The following TTC21A variants were observed in gnomAD, a reference collection of about 807,000 sequenced individuals.
TTC21A encodes the protein tetratricopeptide repeat domain 21A.
A neutral mutation model predicts 156.4 loss-of-function variants in TTC21A; 128 were observed. The observed-to-expected ratio is 0.82, with a 90% CI of 0.71 to 0.95. The LOEUF is 0.95. TTC21A is among the 40% of genes least tolerant of loss of function. The probability of loss-of-function intolerance (pLI) is 0.00; values close to 1 mark genes in which losing one functional copy is unlikely to be tolerated. For synonymous variants in TTC21A, 587 were observed against 617.1 expected, an observed-to-expected ratio of 0.95 and a Z score of 0.72; for missense variants, 1,435 against 1,602.3, an observed-to-expected ratio of 0.90 and a Z score of 1.78.
intron 9 of TTC21A, among the ~76,000 whole-genome samples, 199 bp from the exon 10 acceptor site, chr3:39,124,864 G>A (rs784509): frequency 0.54 from 82,458 of 151,804 alleles, 25,438 homozygotes; most frequent in East Asian, 0.72. Context: ...CATGAGCTAG[G>A]GATGTTTTTC....
At position 39,136,347 on chromosome 3, in the gene TTC21A, CTTATT is replaced by C. The variant is rs1559717640; in HGVS notation, c.2945-6_2945-2del. 1 of 1,609,314 alleles carries C rather than the reference CTTATT, an allele frequency of 6.2e-7. No homozygotes were observed. Among genetic ancestry groups the C allele is most frequent in the Non-Finnish European group, 8.5e-7 (1 of 1,177,074 alleles). ...CATTTCAGCCTGGAGATTTCTGTCT[CTTATT>C]TTAGACAATTTTTTGGTATTGCATA... is the stretch of plus-strand genomic sequence containing the variant. On this transcript the variant is annotated splice_region_variant and splice_polypyrimidine_tract_variant and intron_variant, in intron 22 of 28. Coordinates refer to ENST00000683103, the MANE Select transcript of TTC21A (RefSeq NM_001366900.1).
At chr3:39,109,321 A>G (rs1210726738) in intron 2 of TTC21A, 107 bp downstream of exon 2, 3 of 1,242,352 alleles carry the variant, frequency 2.4e-6, no homozygotes, top group Non-Finnish European at 3.4e-6. Context: ...TCCCATAAAA[A>G]CAGTTTCACA....
At chr3:39,109,443 CT>C in intron 2 of TTC21A, among the ~76,000 whole-genome samples, 1 of 152,294 alleles carries the variant, frequency 6.6e-6, no homozygotes, top group South Asian at 2.1e-4. Context: ...CGGGTTCCCT[CT>C]CTGTAAAATG....
intron 5 of TTC21A, among the ~76,000 whole-genome samples, chr3:39,113,870 CG>C (rs1294765806): frequency 1.3e-5 from 2 of 152,188 alleles, no homozygotes; most frequent in African/African-American, 2.4e-5. Flanking sequence ...CACATTTATG[CG>C]TAAGTCTTCA....
Position 39,136,914 on chromosome 3 carries a change from C to T in TTC21A, c.3111C>T (p.Pro1037=), listed in dbSNP as rs1463934802. 6.2e-7 allele frequency: 1 copy of T among 1,614,108 alleles called. No homozygotes were observed. The highest frequency in any genetic ancestry group is 1.7e-5 in the Admixed American group (1 of 60,018). Residue 1037 remains proline, a synonymous_variant, in exon 24 of 29, where the codon CCC becomes CCT. Coordinates refer to ENST00000683103, the MANE Select transcript of TTC21A (RefSeq NM_001366900.1). The part of the protein sequence containing the change: ...RGIYCWHIGQ[P]NEALKFLNKA... ...TCCACCACAGGCACATAGGGCAGCC[C>T]AACGAAGCCTTAAAGTTCCTGAACA...
At position 39,114,582 on chromosome 3, in the gene TTC21A, C is replaced by T. The variant is rs770201447; in HGVS notation, c.559-3C>T. ...GGAGGCTCTTCTGTCTGGCTCCCAACAGGCAATGTACTTCATGATGCAGCA... is the reference window on the plus strand; with the variant it reads ...GGAGGCTCTTCTGTCTGGCTCCCAATAGGCAATGTACTTCATGATGCAGCA... On this transcript the variant is annotated splice_region_variant and splice_polypyrimidine_tract_variant and intron_variant, in intron 5 of 28. Coordinates refer to ENST00000683103, the MANE Select transcript of TTC21A (RefSeq NM_001366900.1). The T allele has an allele frequency of 5.6e-6, 9 of 1,613,972 alleles. No individual in the cohort carries two copies. Among genetic ancestry groups the T allele is most frequent in the East Asian group, 2.2e-5 (1 of 44,888 alleles).
In TTC21A at chr3:39,107,864, G is replaced by A. The variant is rs749701539; in HGVS notation, c.27G>A (p.Met9Ile). MSSNDSSL[M>I]AGIIYYSQEK... ...TGAGCAGCAATGACTCCTCCCTTAT[G>A]GTGCGTGGCCCGGGCGCTGTCCGAG... Residue 9 changes from methionine to isoleucine, a missense_variant and splice_region_variant, in exon 1 of 29, where the codon ATG becomes ATA. Physicochemically the swap from Met to Ile is conservative, Grantham distance 10. Coordinates refer to ENST00000683103, the MANE Select transcript of TTC21A (RefSeq NM_001366900.1). 6.2e-7 allele frequency: 1 copy of A among 1,612,962 alleles called. No individual in the cohort carries two copies. The highest frequency in any genetic ancestry group is 8.5e-7 in the Non-Finnish European group (1 of 1,180,000).
intron 6 of TTC21A, among the ~76,000 whole-genome samples, chr3:39,117,431 C>T (rs562323694): frequency 4.6e-5 from 7 of 152,284 alleles, no homozygotes; most frequent in African/African-American, 1.7e-4. Context: ...TTGAAAACCT[C>T]ATAGTATGGT....
chr3:39,113,305 A>C (rs752544565), intron 5 of TTC21A, among the ~76,000 whole-genome samples: 5 of 152,220 alleles, frequency 3.3e-5, no homozygotes, highest in Non-Finnish European at 7.3e-5. Flanking sequence ...GGCAGAAAGC[A>C]ATGGAGATTA....
At position 39,133,037 on chromosome 3, in the gene TTC21A, G is replaced by C; in HGVS notation, c.2563-15G>C. 6.2e-7 allele frequency: 1 copy of C among 1,613,820 alleles called. No homozygotes were observed. Among genetic ancestry groups the C allele is most frequent in the Non-Finnish European group, 8.5e-7 (1 of 1,179,926 alleles). On this transcript the variant is annotated splice_polypyrimidine_tract_variant and intron_variant, in intron 19 of 28. Transcript: ENST00000683103. ...GGCTCTGAGTTTCTGATCCTGGCTT[G>C]ATTGGTTTCTCGAGGCCTTGGACCT...
Position 39,134,074 on chromosome 3 carries a change from A to G in TTC21A, c.2752-144A>G. On this transcript the variant is annotated intron_variant, in intron 20 of 28. Transcript: ENST00000683103. The surrounding 1 kb of genome is among the most constrained non-coding windows in gnomAD (Gnocchi z 4.6). ...AACTGCATGGGAGAAGGGGAAGGCC[A>G]GGACGTTCACGTGGGGAATTCGAGA... 1 of 694,720 alleles carries G rather than the reference A, an allele frequency of 1.4e-6. No individual in the cohort carries two copies. Among genetic ancestry groups the G allele is most frequent in the East Asian group, 2.5e-5 (1 of 40,272 alleles). The allele number at this position is 694,720 out of a possible 1,614,324, so 43.0% of individuals were successfully genotyped here.
intron 4 of TTC21A, 148 bp from the exon 5 acceptor site, chr3:39,112,310 T>G: frequency 5.9e-5 from 44 of 751,198 alleles, no homozygotes; most frequent in Non-Finnish European, 6.1e-5. Flanking sequence ...GTCCTGGCCA[T>G]GAGAGAGAGC....
At position 39,128,463 on chromosome 3, in the gene TTC21A, A is replaced by T. The variant is rs370538959; in HGVS notation, c.1655A>T (p.Glu552Val). 4 of 1,614,046 alleles carry T rather than the reference A, an allele frequency of 2.5e-6. No homozygotes were observed. Among genetic ancestry groups the T allele is most frequent in the Non-Finnish European group, 2.5e-6 (3 of 1,180,042 alleles). The stretch of plus-strand genomic sequence containing the variant: ...TTTGGCATGTGCTTCCACTGCTTAG[A>T]GCTGGGTGTCAGCCACAACTTCCAG... ...GNFGMCFHCL[E>V]LGVSHNFQVR... The change falls in exon 13 of 29, where the codon GAG becomes GTG. Residue 552 changes from glutamate to valine, a missense_variant. Coordinates refer to ENST00000683103, the MANE Select transcript of TTC21A (RefSeq NM_001366900.1).
At chr3:39,122,478 G>T (rs887500607) in intron 9 of TTC21A, among the ~76,000 whole-genome samples, 4 of 152,180 alleles carry the variant, frequency 2.6e-5, no homozygotes, top group African/African-American at 7.2e-5. Flanking sequence ...GTTAGCTAAA[G>T]AATTTAGTAG....
At position 39,134,781 on chromosome 3, in the gene TTC21A, G is replaced by A; in HGVS notation, c.2863-312G>A. On this transcript the variant is annotated intron_variant, in intron 21 of 28. Coordinates refer to ENST00000683103, the MANE Select transcript of TTC21A (RefSeq NM_001366900.1). This position sits in a 1 kb window ranked among gnomAD's most constrained non-coding sequence, Gnocchi z 4.6. ...TATTGCCTGGCAGTTCTCAGAATGG[G>A]TGGAGAGGCTTCCCCTGTAGGCTGT... 1 of 517,684 alleles carries A rather than the reference G, an allele frequency of 1.9e-6. No homozygotes were observed. Among genetic ancestry groups the A allele is most frequent in the East Asian group, 3.4e-5 (1 of 29,730 alleles). The allele number at this position is 517,684 out of a possible 1,614,324, so 32.1% of individuals were successfully genotyped here. A position where few individuals can be genotyped will look rare whatever the true frequency, so the allele number is the denominator to read the frequency against.
Position 39,128,511 on chromosome 3 carries a change from A to G in TTC21A, c.1680+23A>G, listed in dbSNP as rs779310449. The G allele has an allele frequency of 1.9e-6, 3 of 1,613,408 alleles. No homozygotes were observed. In the South Asian group the frequency reaches 3.3e-5, roughly 18 times the overall value. On this transcript the variant is annotated intron_variant, in intron 13 of 28. Transcript: ENST00000683103. ...CAGGTGGGTGCCCTCTCATCCTCTC[A>G]GCATCCCAAAGCCCAGCTAGCTGTG...
chr3:39,125,478 C>T lies in TTC21A; in HGVS notation c.1338C>T (p.Asp446=). ...GCTCTGAGTACTTTGAAAAGCTGGA[C>T]CCGTACTTCCTGGTCTGCATTGCTA... ...PLGSEYFEKL[D]PYFLVCIAKE... The change falls in exon 11 of 29, where the codon GAC becomes GAT. Residue 446 remains aspartate, a synonymous_variant. Transcript: ENST00000683103. The T allele has an allele frequency of 6.2e-7, 1 of 1,614,092 alleles. No individual in the cohort carries two copies. The highest frequency in any genetic ancestry group is 8.5e-7 in the Non-Finnish European group (1 of 1,179,956).
chr3:39,125,759 C>A (rs779475107), intron 11 of TTC21A, among the ~76,000 whole-genome samples: 2 of 152,216 alleles, frequency 1.3e-5, no homozygotes, highest in Admixed American at 6.5e-5. Flanking sequence ...GTCTAAAACC[C>A]TGCATCTCTA....
chr3:39,136,075 T>G, intron 22 of TTC21A: 2 of 204,336 alleles, frequency 9.8e-6, no homozygotes, highest in East Asian at 2.3e-4. Flanking sequence ...AAAAAAAAGA[T>G]TAGGTACCTA....
Sources: allele counts gnomAD v4.1 joint callset (sites outside exome capture counted in the v4.1 genomes callset), GRCh38; gene constraint gnomAD v4.1.1; non-coding constraint Gnocchi (gnomAD v3.1); transcripts MANE v1.5; gene names NCBI Gene and HGNC (gene_info 2026-07-23, HGNC 2026-07-21).